Variants in POMP observed in about 807,000 individuals in gnomAD.
POMP encodes the protein 2510048O06Rik.
Under a neutral mutation model 20.6 loss-of-function variants are expected in POMP, and 12 were observed. The ratio of observed to expected loss-of-function variants is 0.58; its 90% confidence interval spans 0.37 to 0.94. The LOEUF (loss-of-function observed/expected upper bound fraction) is 0.94. POMP is among the 40% of genes least tolerant of loss of function. The probability of loss-of-function intolerance (pLI) is 0.01; values close to 1 mark genes in which losing one functional copy is unlikely to be tolerated. For synonymous variants in POMP, 53 were observed against 55.0 expected, an observed-to-expected ratio of 0.96 and a Z score of 0.16; for missense variants, 136 against 161.1, an observed-to-expected ratio of 0.84 and a Z score of 0.84.
At chr13:28,662,039 T>C (rs571832975) in intron 1 of POMP, among the ~76,000 whole-genome samples, 418 of 152,362 alleles carry the variant, frequency 2.7e-3, no homozygotes, top group Non-Finnish European at 4.5e-3. Flanking sequence ...GTTTCACTTT[T>C]GTATTTCATC....
chr13:28,676,878 G>A (rs1884636997), intron 5 of POMP, among the ~76,000 whole-genome samples: 1 of 152,154 alleles, frequency 6.6e-6, no homozygotes, highest in Admixed American at 6.5e-5. Flanking sequence ...GTCTCACGGC[G>A]AGCTTGTGGT....
intron 4 of POMP, among the ~76,000 whole-genome samples, chr13:28,668,776 C>G (rs1771167): frequency 0.045 from 6,772 of 151,978 alleles, 507 homozygotes; most frequent in African/African-American, 0.15. Context: ...GGCTCAGTGT[C>G]TGAAAACTTA....
At chr13:28,664,632 G>C (rs535248634) in intron 3 of POMP, 63 bp downstream of exon 3, 2 of 1,041,016 alleles carry the variant, frequency 1.9e-6, no homozygotes, top group Admixed American at 4.8e-5. Flanking sequence ...ACTAATATTG[G>C]TTTCATTTTA....
chr13:28,678,479 A>G lies in POMP; in HGVS notation c.*377A>G, dbSNP rs1000640320. 1.8e-5 allele frequency: 4 copies of G among 220,576 alleles called. No homozygotes were observed. The highest frequency in any genetic ancestry group is 3.7e-5 in the Non-Finnish European group (4 of 109,374). The allele number at this position is 220,576 out of a possible 1,614,324, so 13.7% of individuals were successfully genotyped here. ...AAACTTTATAGTAGCATCTTTCAGA[A>G]TAAACATTTTTAATTGATTTCAGTG... On this transcript the variant is annotated 3_prime_UTR_variant, in exon 6 of 6. Coordinates refer to ENST00000380842, the MANE Select transcript of POMP (RefSeq NM_015932.6).
chr13:28,662,449 C>G lies in POMP; in HGVS notation c.43C>G (p.Pro15Ala). The G allele has an allele frequency of 6.2e-7, 1 of 1,613,930 alleles. No homozygotes were observed. The highest frequency in any genetic ancestry group is 1.1e-5 in the South Asian group (1 of 91,082). ...GLGSELKDSI[P>A]VTELSASGPF... ...TGGATCTGAGCTAAAGGACAGTATT[C>G]CAGTTACTGAACTTTCAGCAAGTGG... The change falls in exon 2 of 6, where the codon CCA becomes GCA. Residue 15 changes from proline (P) to alanine (A), a missense_variant. Physicochemically the swap from Pro to Ala is conservative, Grantham distance 27 (BLOSUM62 -1). Coordinates refer to ENST00000380842, the MANE Select transcript of POMP (RefSeq NM_015932.6).
chr13:28,670,059 G>A lies in POMP; in HGVS notation c.264+1485G>A, dbSNP rs141215792. ...TGGGAGTCGGAGGTTGCAGTGAGCC[G>A]AGATCGTGCCACTACACTCCAGCCT... On this transcript the variant is annotated intron_variant, in intron 4 of 5. Coordinates refer to ENST00000380842, the MANE Select transcript of POMP (RefSeq NM_015932.6). Among the ~76,000 whole-genome samples the A allele has an allele frequency of 4.8e-3, 737 of 152,206 alleles. 8 individuals are homozygous for A. Among genetic ancestry groups the A allele is most frequent in the African/African-American group, 0.017 (712 of 41,532 alleles).
intron 1 of POMP, among the ~76,000 whole-genome samples, chr13:28,662,081 T>C (rs1425132366): frequency 6.6e-6 from 1 of 152,256 alleles, no homozygotes; most frequent in African/African-American, 2.4e-5. Context: ...GGAAACATAT[T>C]TAGCCAGTTA....
intron 5 of POMP, among the ~76,000 whole-genome samples, chr13:28,675,611 C>T (rs1884615510): frequency 6.6e-6 from 1 of 152,178 alleles, no homozygotes; most frequent in Non-Finnish European, 1.5e-5. Flanking sequence ...CCTCATTTTT[C>T]AGATCCCAAC....
At chr13:28,673,812 G>T (rs1330321396) in intron 5 of POMP, among the ~76,000 whole-genome samples, 1 of 152,174 alleles carries the variant, frequency 6.6e-6, no homozygotes, top group Non-Finnish European at 1.5e-5. Context: ...AGGGACTTAG[G>T]AGCATTTATC....
chr13:28,676,456 A>G (rs1884630476), intron 5 of POMP, among the ~76,000 whole-genome samples: 1 of 152,182 alleles, frequency 6.6e-6, no homozygotes, highest in African/African-American at 2.4e-5. Context: ...TTATTTGTCC[A>G]ACTTAAATAT....
intron 4 of POMP, 102 bp from the exon 5 acceptor site, chr13:28,672,237 G>A (rs372262784): frequency 4.6e-5 from 46 of 1,006,192 alleles, no homozygotes; most frequent in East Asian, 1.9e-4. Context: ...TTGGTTTTGC[G>A]AATTTTCAAA....
rs920117602 is a variant in POMP, at chr13:28,678,582, C to G, written c.*480C>G. On this transcript the variant is annotated 3_prime_UTR_variant, in exon 6 of 6. Coordinates refer to ENST00000380842, the MANE Select transcript of POMP (RefSeq NM_015932.6). ...CTCATAAGAATAATATTTACTGTGT[C>G]AGTGCTATTTTAGGATTATAGTTAT... The G allele has an allele frequency of 1.3e-5, 2 of 157,818 alleles. No homozygotes were observed. Among genetic ancestry groups the G allele is most frequent in the African/African-American group, 4.8e-5 (2 of 41,414 alleles). The allele number at this position is 157,818 out of a possible 1,614,324, so 9.8% of individuals were successfully genotyped here.
intron 4 of POMP, 109 bp from the exon 5 acceptor site, chr13:28,672,230 G>A (rs1884560136): frequency 1.1e-6 from 1 of 880,974 alleles, no homozygotes; most frequent in African/African-American, 1.7e-5. Flanking sequence ...CTTGTATTTG[G>A]TTTTGCGAAT....
intron 1 of POMP, among the ~76,000 whole-genome samples, chr13:28,660,748 C>T (rs559818235): frequency 1.6e-4 from 24 of 152,264 alleles, no homozygotes; most frequent in Non-Finnish European, 3.2e-4. Flanking sequence ...GAGTTGGAAC[C>T]TATTATGCAG....
At chr13:28,673,586 G>A (rs990987073) in intron 5 of POMP, among the ~76,000 whole-genome samples, 3 of 152,180 alleles carry the variant, frequency 2.0e-5, no homozygotes, top group East Asian at 3.8e-4. Flanking sequence ...GCTGATGTCC[G>A]GTAAGGAAAT....
intron 4 of POMP, among the ~76,000 whole-genome samples, chr13:28,670,301 A>T (rs1884524861): frequency 6.6e-6 from 1 of 152,188 alleles, no homozygotes; most frequent in Non-Finnish European, 1.5e-5. Flanking sequence ...TTTCTGCCTA[A>T]GGCAGAAATT....
Position 28,674,575 on chromosome 13 carries a change from T to C in POMP, c.358+2143T>C, listed in dbSNP as rs1357056021. Among the ~76,000 whole-genome samples the C allele has an allele frequency of 1.6e-4, 24 of 152,172 alleles. 1 individual carries two copies. The highest frequency in any genetic ancestry group is 1.6e-3 in the Admixed American group (24 of 15,282). Reference sequence around the variant, plus strand: ...GAAGGCCCATATGGCTGGCATGTTTTGAGCAAAGTAGAGAGTAGAATAAGG... The same window carrying C: ...GAAGGCCCATATGGCTGGCATGTTTCGAGCAAAGTAGAGAGTAGAATAAGG... On this transcript the variant is annotated intron_variant, in intron 5 of 5. Coordinates refer to ENST00000380842, the MANE Select transcript of POMP (RefSeq NM_015932.6).
intron 4 of POMP, among the ~76,000 whole-genome samples, 198 bp downstream of exon 4, chr13:28,668,772 G>C (rs1202689756): frequency 1.3e-5 from 2 of 151,990 alleles, no homozygotes; most frequent in Admixed American, 1.3e-4. Flanking sequence ...TACAGGCTCA[G>C]TGTCTGAAAA....
At chr13:28,662,970 T>C (rs1884374585) in intron 2 of POMP, among the ~76,000 whole-genome samples, 1 of 152,236 alleles carries the variant, frequency 6.6e-6, no homozygotes, top group Non-Finnish European at 1.5e-5. Context: ...AGTGTCCTTA[T>C]GGATAGAATA....
Sources: gnomAD v4.1 joint callset for allele counts (sites outside exome capture counted in the v4.1 genomes callset) on GRCh38, gnomAD v4.1.1 for gene constraint, MANE v1.5 for transcripts, NCBI Gene and HGNC (gene_info 2026-07-23, HGNC 2026-07-21) for gene names.